The following PICALM variants were observed in gnomAD, a reference collection of about 807,000 sequenced individuals.
PICALM encodes phosphatidylinositol-binding clathrin assembly protein.
PICALM carries 40 observed loss-of-function variants against 80.5 expected under a neutral mutation model. That is an observed-to-expected ratio of 0.50 (90% CI 0.39 to 0.65). The LOEUF (loss-of-function observed/expected upper bound fraction) is 0.65. PICALM is among the 30% of genes least tolerant of loss of function. PICALM has a pLI of 0.00. For synonymous variants in PICALM, 288 were observed against 260.3 expected (o/e 1.11, Z -1.02); for missense variants, 676 against 778.9 (o/e 0.87, Z 1.57).
At chr11:85,988,222 T>C (rs1366746889) in intron 13 of PICALM, among the ~76,000 whole-genome samples, 1 of 152,200 alleles carries the variant, frequency 6.6e-6, no homozygotes, top group Non-Finnish European at 1.5e-5. Context: ...TCAGATTCCA[T>C]AACCTTGTAA....
At chr11:86,068,338 G>A (rs2096476448) in intron 1 of PICALM, among the ~76,000 whole-genome samples, 1 of 152,192 alleles carries the variant, frequency 6.6e-6, no homozygotes, top group Non-Finnish European at 1.5e-5. Flanking sequence ...ACGGGTAGGG[G>A]GTGAGAAGCC....
At chr11:86,061,977 A>C (rs1388607061) in intron 1 of PICALM, among the ~76,000 whole-genome samples, 4 of 152,236 alleles carry the variant, frequency 2.6e-5, no homozygotes, top group African/African-American at 9.6e-5. Flanking sequence ...GGAAATCGTA[A>C]ACGCATATTA....
chr11:85,981,241 A>T lies in PICALM; in HGVS notation c.1680-13T>A. On this transcript the variant is annotated splice_polypyrimidine_tract_variant and intron_variant, in intron 16 of 19. Coordinates refer to ENST00000393346, the MANE Select transcript of PICALM (RefSeq NM_007166.4). Reference sequence around the variant, plus strand: ...CCAATTTACATCACTTTAAATAAACATAAGTGAGAATATTAAATGTCTCTA... The same window carrying T: ...CCAATTTACATCACTTTAAATAAACTTAAGTGAGAATATTAAATGTCTCTA... 7.9e-7 allele frequency: 1 copy of T among 1,258,892 alleles called. No individual in the cohort carries two copies. Among genetic ancestry groups the T allele is most frequent in the Non-Finnish European group, 1.2e-6 (1 of 856,466 alleles). 78.0% of individuals were successfully genotyped at this position (1,258,892 alleles called of 1,614,324 possible). A position where few individuals can be genotyped will look rare whatever the true frequency, so the allele number is the denominator to read the frequency against.
At chr11:85,959,264 T>A (rs1226472470) in intron 19 of PICALM, among the ~76,000 whole-genome samples, 1 of 152,126 alleles carries the variant, frequency 6.6e-6, no homozygotes, top group African/African-American at 2.4e-5. Flanking sequence ...GACTTCCAAA[T>A]AATGTTTTTT....
intron 12 of PICALM, among the ~76,000 whole-genome samples, chr11:85,992,441 C>T (rs1391695445): frequency 1.3e-5 from 2 of 151,958 alleles, no homozygotes; most frequent in Non-Finnish European, 1.5e-5. Context: ...CGTGCCACCA[C>T]GCTCAGCTCA....
intron 1 of PICALM, among the ~76,000 whole-genome samples, chr11:86,046,426 T>G (rs897948665): frequency 6.6e-6 from 1 of 152,242 alleles, no homozygotes; most frequent in Non-Finnish European, 1.5e-5. Flanking sequence ...CTTGGCTTAG[T>G]AAGGTGATAT....
At chr11:86,035,442 T>G (rs935996939) in intron 1 of PICALM, among the ~76,000 whole-genome samples, 5 of 152,182 alleles carry the variant, frequency 3.3e-5, no homozygotes, top group Non-Finnish European at 5.9e-5. Flanking sequence ...GATACCCGAA[T>G]AAGATTTTCT....
chr11:85,966,706 G>A (rs1195976170), intron 19 of PICALM, among the ~76,000 whole-genome samples: 2 of 152,218 alleles, frequency 1.3e-5, no homozygotes, highest in African/African-American at 4.8e-5. Context: ...ATGTAATCAA[G>A]TTAAGATGAG....
chr11:86,055,808 A>AT (rs1363080237), intron 1 of PICALM, among the ~76,000 whole-genome samples: 1 of 152,148 alleles, frequency 6.6e-6, no homozygotes, highest in Non-Finnish European at 1.5e-5. Context: ...TCAGCCAATG[A>AT]TTTCTTAGAT....
At chr11:86,028,551 G>A (rs754964614) in intron 2 of PICALM, among the ~76,000 whole-genome samples, 4 of 151,966 alleles carry the variant, frequency 2.6e-5, no homozygotes, top group African/African-American at 9.7e-5. Flanking sequence ...TCTATAACTT[G>A]TCATACTATA....
At chr11:86,013,192 G>A (rs181430315) in intron 5 of PICALM, among the ~76,000 whole-genome samples, 11 of 152,188 alleles carry the variant, frequency 7.2e-5, no homozygotes, top group East Asian at 1.9e-4. Flanking sequence ...GTGTACCCCT[G>A]TAGTCCCAGC....
chr11:86,050,005 G>A (rs1043301467), intron 1 of PICALM, among the ~76,000 whole-genome samples: 6 of 151,628 alleles, frequency 4.0e-5, no homozygotes, highest in African/African-American at 1.5e-4. Flanking sequence ...TTCACAACCA[G>A]CCTGGCCAAC....
At chr11:85,998,299 G>A (rs1395015843) in intron 11 of PICALM, among the ~76,000 whole-genome samples, 1 of 149,748 alleles carries the variant, frequency 6.7e-6, no homozygotes, top group Non-Finnish European at 1.5e-5. Flanking sequence ...TTTTAGTAGA[G>A]ATGGGCTTTC....
At chr11:86,040,930 T>C (rs973618575) in intron 1 of PICALM, among the ~76,000 whole-genome samples, 4 of 152,310 alleles carry the variant, frequency 2.6e-5, no homozygotes, top group South Asian at 2.1e-4. Context: ...GGGGTAAAGA[T>C]ACAGCCTCAC....
At chr11:86,004,886 G>A (rs1173677533) in intron 8 of PICALM, among the ~76,000 whole-genome samples, 1 of 152,146 alleles carries the variant, frequency 6.6e-6, no homozygotes, top group East Asian at 1.9e-4. Flanking sequence ...TTGTTGAACT[G>A]AGAGTATACA....
chr11:85,969,154 T>C (rs1035850524), intron 19 of PICALM, among the ~76,000 whole-genome samples: 1 of 152,160 alleles, frequency 6.6e-6, no homozygotes, highest in African/African-American at 2.4e-5. Flanking sequence ...CAAGCACTAA[T>C]GCAGTGCTTA....
chr11:85,981,208 G>A lies in PICALM; in HGVS notation c.1700C>T (p.Pro567Leu), dbSNP rs777897636. 7 of 1,590,738 alleles carry A rather than the reference G, an allele frequency of 4.4e-6. No individual in the cohort carries two copies. The East Asian group carries it at 1.6e-4, about 36-fold the overall frequency. Residue 567 changes from proline to leucine, a missense_variant, in exon 17 of 20, where the codon CCA becomes CTA. By Grantham distance (98) the Pro-to-Leu change is moderately conservative. This residue lies in a region of PICALM where 391 missense variants were observed against 383.6 expected (regional missense o/e 1.02). Coordinates refer to ENST00000393346, the MANE Select transcript of PICALM (RefSeq NM_007166.4). ...TCCCCCAGTTAACTTCTTTTCACCTGGTTGACTCCAATTTACATCACTTTA... is the reference window on the plus strand; with the variant it reads ...TCCCCCAGTTAACTTCTTTTCACCTAGTTGACTCCAATTTACATCACTTTA... Reference protein sequence around the residue: ...TTKNDVNWSQPGEKKLTGGSN... With the variant: ...TTKNDVNWSQLGEKKLTGGSN...
intron 8 of PICALM, among the ~76,000 whole-genome samples, chr11:86,004,511 AC>A (rs2095234320): frequency 6.6e-6 from 1 of 151,260 alleles, no homozygotes; most frequent in Non-Finnish European, 1.5e-5. Flanking sequence ...ATGAATACTT[AC>A]GTTTTTTTTT....
At chr11:85,992,418 G>A (rs2094811642) in intron 12 of PICALM, among the ~76,000 whole-genome samples, 1 of 151,842 alleles carries the variant, frequency 6.6e-6, no homozygotes, top group Admixed American at 6.6e-5. Flanking sequence ...CTGAGTAGCT[G>A]GGATTACAGG....
Sources: allele counts gnomAD v4.1 joint callset (sites outside exome capture counted in the v4.1 genomes callset), GRCh38; gene constraint gnomAD v4.1.1; regional missense constraint gnomAD v4.1.1; transcripts MANE v1.5; gene names NCBI Gene and HGNC (gene_info 2026-07-23, HGNC 2026-07-21).